The following ADARB2 variants were observed in gnomAD, a reference collection of about 807,000 sequenced individuals.
ADARB2 encodes adenosine deaminase RNA specific B2 (inactive).
Under a neutral mutation model 62.2 loss-of-function variants are expected in ADARB2, and 25 were observed. That is an observed-to-expected ratio of 0.40 (90% CI 0.29 to 0.56). ADARB2 has a LOEUF of 0.56. Ranked by LOEUF, ADARB2 falls within the 20% of genes least tolerant of loss-of-function variation. The pLI is 0.43. For missense variants in ADARB2, 1,071 were observed against 1,077.4 expected (o/e 0.99, Z 0.08); for synonymous variants, 572 against 500.8 (o/e 1.14, Z -1.90).
At position 1,587,056 on chromosome 10, in the gene ADARB2, T is replaced by C. The variant is rs144389003; in HGVS notation, c.100+149995A>G. Reference sequence around the variant, plus strand: ...GGGGAATTGCAAATTTTCTGTCTTCTGGCATTCAAAAGATTTTTGTTTCAT... The same window carrying C: ...GGGGAATTGCAAATTTTCTGTCTTCCGGCATTCAAAAGATTTTTGTTTCAT... On this transcript the variant is annotated intron_variant, in intron 1 of 9. Coordinates refer to ENST00000381312, the MANE Select transcript of ADARB2 (RefSeq NM_018702.4). Among the ~76,000 whole-genome samples, 761 of 152,348 alleles carry C rather than the reference T, an allele frequency of 5.0e-3. 10 individuals carry two copies. Among genetic ancestry groups the C allele is most frequent in the African/African-American group, 0.018 (729 of 41,580 alleles).
intron 1 of ADARB2, among the ~76,000 whole-genome samples, chr10:1,727,368 C>G (rs1479634938): frequency 1.3e-5 from 2 of 152,182 alleles, no homozygotes; most frequent in Non-Finnish European, 2.9e-5. Context: ...GAAGCCACCT[C>G]CAAACCCTAC....
chr10:1,475,133 CAGG>C (rs1831381864), intron 1 of ADARB2, among the ~76,000 whole-genome samples: 2 of 152,124 alleles, frequency 1.3e-5, no homozygotes, highest in Admixed American at 1.3e-4. Flanking sequence ...GCTCAGTCAG[CAGG>C]AGGACCCCCG....
chr10:1,338,242 G>T (rs527332933), intron 3 of ADARB2, among the ~76,000 whole-genome samples: 2 of 152,150 alleles, frequency 1.3e-5, no homozygotes, highest in African/African-American at 4.8e-5. Context: ...GTGTTTAACC[G>T]AACATAGCTT....
intron 7 of ADARB2, among the ~76,000 whole-genome samples, chr10:1,206,402 G>A (rs1837066470): frequency 6.6e-6 from 1 of 151,734 alleles, no homozygotes; most frequent in Non-Finnish European, 1.5e-5. Flanking sequence ...TCTCCTCCTC[G>A]TGCCTGTGTG....
chr10:1,629,451 G>T (rs1429577123), intron 1 of ADARB2, among the ~76,000 whole-genome samples: 3 of 151,888 alleles, frequency 2.0e-5, no homozygotes, highest in East Asian at 1.9e-4. Context: ...AAGCCTCAGC[G>T]CTCAAGCACC....
At position 1,461,945 on chromosome 10, in the gene ADARB2, T is replaced by C. The variant is rs181117853; in HGVS notation, c.101-82785A>G. On this transcript the variant is annotated intron_variant, in intron 1 of 9. Transcript: ENST00000381312. ...TGAACTGGGGAGGCGGAGGTTGCAA[T>C]GAGCTGAGATCACACCACTGCACTC... is the stretch of plus-strand genomic sequence containing the variant. 3.3e-3 allele frequency among the ~76,000 whole-genome samples: 503 copies of C among 152,304 alleles called. 12 individuals are homozygous for C. The highest frequency in any genetic ancestry group is 0.028 in the Admixed American group (424 of 15,304).
intron 8 of ADARB2, among the ~76,000 whole-genome samples, chr10:1,185,543 G>T (rs949104650): frequency 6.6e-6 from 1 of 152,244 alleles, no homozygotes; most frequent in African/African-American, 2.4e-5. Context: ...AATGAGTGTA[G>T]GATCAATTGA....
At chr10:1,555,317 A>G (rs910835355) in intron 1 of ADARB2, among the ~76,000 whole-genome samples, 1 of 152,232 alleles carries the variant, frequency 6.6e-6, no homozygotes, top group African/African-American at 2.4e-5. Context: ...GGCTGAGCGA[A>G]TTTACATTTC....
At chr10:1,309,264 C>G (rs968743962) in intron 3 of ADARB2, among the ~76,000 whole-genome samples, 1 of 152,184 alleles carries the variant, frequency 6.6e-6, no homozygotes, top group South Asian at 2.1e-4. Flanking sequence ...AGAAATGTGC[C>G]ATTGCTGGAC....
chr10:1,399,353 C>T (rs1336718761), intron 1 of ADARB2, among the ~76,000 whole-genome samples: 1 of 152,136 alleles, frequency 6.6e-6, no homozygotes, highest in Admixed American at 6.5e-5. Flanking sequence ...GACGCCACCC[C>T]AGATTTGCAG....
At position 1,254,843 on chromosome 10, in the gene ADARB2, A is replaced by G. The variant is rs554215655; in HGVS notation, c.1193-12544T>C. ...TTGTAGGCATCTACAAAGAAAACCC[A>G]CTCTGTGGGCATCCACAGATGCCAT... On this transcript the variant is annotated intron_variant, in intron 4 of 9. Transcript: ENST00000381312. 7.2e-5 allele frequency among the ~76,000 whole-genome samples: 11 copies of G among 152,144 alleles called. 1 individual carries two copies. Among genetic ancestry groups the G allele is most frequent in the Non-Finnish European group, 1.6e-4 (11 of 68,018 alleles).
intron 1 of ADARB2, among the ~76,000 whole-genome samples, chr10:1,540,280 G>A (rs1160982797): frequency 2.0e-5 from 3 of 152,072 alleles, no homozygotes; most frequent in Non-Finnish European, 4.4e-5. Flanking sequence ...GTTTCTCGGT[G>A]GCCAACGTGG....
At chr10:1,375,991 ACG>A (rs1319832278) in intron 2 of ADARB2, among the ~76,000 whole-genome samples, 4 of 151,658 alleles carry the variant, frequency 2.6e-5, no homozygotes. Context: ...ACGCACACAC[ACG>A]CACATGACAC....
rs148886567 is a variant in ADARB2, at chr10:1,281,484, A to G, written c.1078-10415T>C. Among the ~76,000 whole-genome samples, 296 of 152,370 alleles carry G rather than the reference A, an allele frequency of 1.9e-3. 2 individuals are homozygous for G. Among genetic ancestry groups the G allele is most frequent in the East Asian group, 5.6e-3 (29 of 5,192 alleles). On this transcript the variant is annotated intron_variant, in intron 3 of 9. Coordinates refer to ENST00000381312, the MANE Select transcript of ADARB2 (RefSeq NM_018702.4). ...CTTTGTGCTGGTCGATCCTGGTCCAATGGAAAGATATGGATTGGATAGCTC... is the reference window on the plus strand; with the variant it reads ...CTTTGTGCTGGTCGATCCTGGTCCAGTGGAAAGATATGGATTGGATAGCTC...
At position 1,226,331 on chromosome 10, in the gene ADARB2, T is replaced by C. The variant is rs376745075; in HGVS notation, c.1513+7363A>G. ...TCATCTAATTTTTTTTCAAAACTTT[T>C]AACTTCTTTGCCATTGGTTCGAATT... On this transcript the variant is annotated intron_variant, in intron 6 of 9. Transcript: ENST00000381312. Among the ~76,000 whole-genome samples, 3 of 152,366 alleles carry C rather than the reference T, an allele frequency of 2.0e-5. No homozygotes were observed. The South Asian group carries it at 6.2e-4, about 32-fold the overall frequency.
chr10:1,674,130 G>C (rs983329339), intron 1 of ADARB2, among the ~76,000 whole-genome samples: 32 of 152,242 alleles, frequency 2.1e-4, no homozygotes, highest in Non-Finnish European at 7.3e-5. Context: ...CCCGTCGGCC[G>C]GGGGCCCAGG....
rs74540423 is a variant in ADARB2, at chr10:1,415,269, T to A, written c.101-36109A>T. ...GTACAAGGGTACATGAGTGGTTAGA[T>A]GCTGGATGGCTGGGTGGGTATATGA... is the stretch of plus-strand genomic sequence containing the variant. On this transcript the variant is annotated intron_variant, in intron 1 of 9. Coordinates refer to ENST00000381312, the MANE Select transcript of ADARB2 (RefSeq NM_018702.4). Among the ~76,000 whole-genome samples, 242 of 151,418 alleles carry A rather than the reference T, an allele frequency of 1.6e-3. 2 individuals are homozygous for A. The highest frequency in any genetic ancestry group is 0.011 in the South Asian group (53 of 4,772).
rs138955068 is a variant in ADARB2, at chr10:1,408,412, C to T, written c.101-29252G>A. On this transcript the variant is annotated intron_variant, in intron 1 of 9. Transcript: ENST00000381312. ...AAGGATGCTGCACTGAACATCTTTA[C>T]ACATGAGTCTTGAACCACATCTATG... Among the ~76,000 whole-genome samples the T allele has an allele frequency of 2.6e-3, 392 of 152,342 alleles. 2 individuals carry two copies. Among genetic ancestry groups the T allele is most frequent in the African/African-American group, 9.1e-3 (380 of 41,568 alleles).
At chr10:1,396,040 A>T (rs1304184290) in intron 1 of ADARB2, among the ~76,000 whole-genome samples, 1 of 152,146 alleles carries the variant, frequency 6.6e-6, no homozygotes, top group African/African-American at 2.4e-5. Flanking sequence ...AATGCGGGCC[A>T]TTTCTCACCT....
Sources: gnomAD v4.1 joint callset for allele counts (sites outside exome capture counted in the v4.1 genomes callset) on GRCh38, gnomAD v4.1.1 for gene constraint, MANE v1.5 for transcripts, NCBI Gene and HGNC (gene_info 2026-07-23, HGNC 2026-07-21) for gene names.